SSBP3: variants seen among roughly 807,000 people sequenced by gnomAD.
The protein encoded by SSBP3 is single-stranded DNA-binding protein 3.
A neutral mutation model predicts 69.6 loss-of-function variants in SSBP3; 5 were observed. The ratio of observed to expected loss-of-function variants is 0.07; its 90% confidence interval spans 0.04 to 0.15. The LOEUF (loss-of-function observed/expected upper bound fraction) is 0.15, where lower values mean the gene tolerates loss of function less well. Ranked by LOEUF, SSBP3 falls within the 10% of genes least tolerant of loss-of-function variation. The probability of loss-of-function intolerance (pLI) is 1.00; values close to 1 mark genes in which losing one functional copy is unlikely to be tolerated. For missense variants in SSBP3, 312 were observed against 534.0 expected (o/e 0.58, Z 4.10); for synonymous variants, 196 against 193.4 (o/e 1.01, Z -0.11).
intron 4 of SSBP3, among the ~76,000 whole-genome samples, chr1:54,318,853 TAGTG>T (rs1160122218): frequency 6.6e-6 from 1 of 152,176 alleles, no homozygotes; most frequent in Non-Finnish European, 1.5e-5. Context: ...CCTTAAAACT[TAGTG>T]AGAGAGTAAC....
chr1:54,295,583 C>T (rs1479676479), intron 4 of SSBP3, among the ~76,000 whole-genome samples: 1 of 152,206 alleles, frequency 6.6e-6, no homozygotes, highest in Non-Finnish European at 1.5e-5. Context: ...GAGAGGCAGG[C>T]AATTCACCTC....
chr1:54,374,630 T>C (rs1379681757), intron 4 of SSBP3, among the ~76,000 whole-genome samples: 2 of 152,072 alleles, frequency 1.3e-5, no homozygotes, highest in Non-Finnish European at 2.9e-5. Flanking sequence ...GTGAAGCCTG[T>C]TCAGGTGGAA....
intron 4 of SSBP3, among the ~76,000 whole-genome samples, chr1:54,365,016 GAGAGGCCCCAGGCCTGCACA>G (rs1394986395): frequency 1.3e-5 from 2 of 152,188 alleles, no homozygotes; most frequent in African/African-American, 2.4e-5. Flanking sequence ...AATGCAGATG[GAGAGGCCCCAGGCCTGCACA>G]GAGGGGCAGG....
At position 54,316,656 on chromosome 1, in the gene SSBP3, A is replaced by AAAT. The variant is rs1553137526; in HGVS notation, c.277-35130_277-35129insATT. 7.8e-4 allele frequency among the ~76,000 whole-genome samples: 42 copies of AAAT among 53,912 alleles called. 10 individuals carry two copies. Among genetic ancestry groups the AAAT allele is most frequent in the African/African-American group, 4.4e-3 (41 of 9,238 alleles). The allele number at this position is 53,912 out of a possible 152,430, so 35.4% of individuals were successfully genotyped here. On this transcript the variant is annotated intron_variant, in intron 4 of 17. Coordinates refer to ENST00000610401, the Ensembl canonical transcript of SSBP3. ...GAGCGAGACTCCGTCTCAAAAAAAA[A>AAAT]AAATAAAATAAATAAATAAATAAAT...
intron 9 of SSBP3, among the ~76,000 whole-genome samples, chr1:54,245,323 T>G (rs1197496263): frequency 1.3e-5 from 2 of 152,202 alleles, no homozygotes; most frequent in African/African-American, 4.8e-5. Context: ...AAGTTTTGCC[T>G]CAAGTTGCAG....
At chr1:54,330,464 C>G (rs1646388670) in intron 4 of SSBP3, among the ~76,000 whole-genome samples, 1 of 152,202 alleles carries the variant, frequency 6.6e-6, no homozygotes, top group South Asian at 2.1e-4. Context: ...CAAGTTCTTT[C>G]TGGCATTGAG....
intron 4 of SSBP3, among the ~76,000 whole-genome samples, chr1:54,393,653 G>C (rs1340177095): frequency 6.6e-6 from 1 of 152,096 alleles, no homozygotes; most frequent in East Asian, 1.9e-4. Context: ...AATTAAAAAA[G>C]AAAAATGACA....
At chr1:54,358,224 AC>A (rs1282413630) in intron 4 of SSBP3, among the ~76,000 whole-genome samples, 1 of 152,224 alleles carries the variant, frequency 6.6e-6, no homozygotes, top group Non-Finnish European at 1.5e-5. Flanking sequence ...CGCCTGCCTA[AC>A]CTCAAGGAGT....
At chr1:54,393,419 C>A (rs1648639416) in intron 4 of SSBP3, among the ~76,000 whole-genome samples, 2 of 152,152 alleles carry the variant, frequency 1.3e-5, no homozygotes, top group African/African-American at 2.4e-5. Context: ...ATTCTGCTGG[C>A]CCCTTATTAT....
intron 4 of SSBP3, among the ~76,000 whole-genome samples, chr1:54,327,981 CGAA>C (rs1360685727): frequency 5.3e-5 from 8 of 152,176 alleles, no homozygotes; most frequent in Admixed American, 1.3e-4. Context: ...TTTTTAAACA[CGAA>C]GAAGAGTCTC....
chr1:54,239,760 T>C (rs1644571837), intron 13 of SSBP3, among the ~76,000 whole-genome samples: 1 of 152,036 alleles, frequency 6.6e-6, no homozygotes, highest in Non-Finnish European at 1.5e-5. Flanking sequence ...AGAGCCGGAG[T>C]GGGAGCCCAG....
chr1:54,227,184 G>GA, intron 17 of SSBP3, 24 bp from the exon 18 acceptor site: 1 of 1,201,990 alleles, frequency 8.3e-7, no homozygotes, highest in Non-Finnish European at 1.2e-6. Flanking sequence ...GCAGAGAAGG[G>GA]GGGGGGGTGA....
chr1:54,282,153 G>A (rs1175094580), intron 4 of SSBP3, among the ~76,000 whole-genome samples: 1 of 152,216 alleles, frequency 6.6e-6, no homozygotes, highest in Non-Finnish European at 1.5e-5. Context: ...ACTTCCTGCG[G>A]TGCAGAGCAG....
At chr1:54,380,363 C>A (rs1281379802) in intron 4 of SSBP3, among the ~76,000 whole-genome samples, 1 of 152,206 alleles carries the variant, frequency 6.6e-6, no homozygotes, top group Admixed American at 6.5e-5. Flanking sequence ...CAGCACCTGA[C>A]CTGCCAAATA....
At position 54,401,732 on chromosome 1, in the gene SSBP3, G is replaced by A. The variant is rs184950705; in HGVS notation, c.276+129C>T. ...TGGGAGGGCTGCAGAGAGGTGGGCA[G>A]GGGAACAGAAAGAAACGCAAGAAGC... On this transcript the variant is annotated intron_variant, in intron 4 of 17. Coordinates refer to ENST00000610401, the Ensembl canonical transcript of SSBP3. The A allele has an allele frequency of 1.6e-5, 11 of 706,826 alleles. No homozygotes were observed. The East Asian group carries it at 2.9e-4, about 19-fold the overall frequency. 43.8% of individuals were successfully genotyped at this position (706,826 alleles called of 1,614,324 possible).
chr1:54,282,627 C>CTCA (rs1259450622), intron 4 of SSBP3, among the ~76,000 whole-genome samples: 2 of 152,218 alleles, frequency 1.3e-5, no homozygotes, highest in Non-Finnish European at 2.9e-5. Context: ...TGGCCCCGTG[C>CTCA]TCACACAGGC....
intron 14 of SSBP3, among the ~76,000 whole-genome samples, chr1:54,233,348 C>T (rs1404221503): frequency 6.0e-5 from 9 of 148,932 alleles, no homozygotes; most frequent in African/African-American, 9.9e-5. Context: ...TCTGCCCGGC[C>T]GCCCCGTCTG....
chr1:54,331,585 G>A lies in SSBP3; in HGVS notation c.277-50058C>T, dbSNP rs116718497. Among the ~76,000 whole-genome samples, 399 of 152,294 alleles carry A rather than the reference G, an allele frequency of 2.6e-3. 2 individuals are homozygous for A. Among genetic ancestry groups the A allele is most frequent in the African/African-American group, 9.2e-3 (384 of 41,556 alleles). On this transcript the variant is annotated intron_variant, in intron 4 of 17. Coordinates refer to ENST00000610401, the Ensembl canonical transcript of SSBP3. The stretch of plus-strand genomic sequence containing the variant: ...TCACAGGCCCAATAACAGAGCTGGA[G>A]TTCCTCTTACGTGACACAGGATTTG...
intron 14 of SSBP3, chr1:54,238,124 G>A (rs1388212581): frequency 4.3e-6 from 2 of 470,436 alleles, no homozygotes; most frequent in Non-Finnish European, 8.8e-6. Context: ...GAGGACCCTG[G>A]CAACGGAGGC....
Sources: gnomAD v4.1 joint callset for allele counts (sites outside exome capture counted in the v4.1 genomes callset) on GRCh38, gnomAD v4.1.1 for gene constraint, MANE v1.5 for transcripts, NCBI Gene and HGNC (gene_info 2026-07-23, HGNC 2026-07-21) for gene names.